ZFYVE9: variants seen among roughly 807,000 people sequenced by gnomAD.
ZFYVE9 encodes the protein zinc finger FYVE domain-containing protein 9.
Under a neutral mutation model 126.7 loss-of-function variants are expected in ZFYVE9, and 43 were observed. The ratio of observed to expected loss-of-function variants is 0.34; its 90% CI spans 0.27 to 0.44. The LOEUF is 0.44. Ranked by LOEUF, ZFYVE9 falls within the 20% of genes least tolerant of loss-of-function variation. The pLI is 1.00. For missense variants in ZFYVE9, 1,476 were observed against 1,697.0 expected (o/e 0.87, Z 2.29); for synonymous variants, 521 against 597.4 (o/e 0.87, Z 1.87).
chr1:52,318,732 G>C (rs566532173), intron 13 of ZFYVE9, among the ~76,000 whole-genome samples: 3 of 151,938 alleles, frequency 2.0e-5, no homozygotes, highest in African/African-American at 7.3e-5. Context: ...TAGCAAAGTC[G>C]TGAGATTATT....
At chr1:52,170,073 T>A (rs1410705447) in intron 1 of ZFYVE9, among the ~76,000 whole-genome samples, 1 of 152,234 alleles carries the variant, frequency 6.6e-6, no homozygotes, top group Non-Finnish European at 1.5e-5. Context: ...ATTCTTCCTA[T>A]CTTCATTTAA....
At position 52,184,033 on chromosome 1, in the gene ZFYVE9, G is replaced by A. The variant is rs1265329370; in HGVS notation, c.-142-32336G>A. ...ATAAAAATAATTTTTAAAAGACACA[G>A]TAAGGTAGAGTAGGGCTGCAGAGAG... On this transcript the variant is annotated intron_variant, in intron 1 of 18. Transcript: ENST00000287727. Among the ~76,000 whole-genome samples the A allele has an allele frequency of 2.0e-5, 3 of 151,080 alleles. No individual in the cohort carries two copies. In the East Asian group the frequency reaches 5.8e-4, roughly 29 times the overall value.
At chr1:52,265,354 AG>A (rs2147799256) in intron 5 of ZFYVE9, among the ~76,000 whole-genome samples, 1 of 152,160 alleles carries the variant, frequency 6.6e-6, no homozygotes, top group South Asian at 2.1e-4. Flanking sequence ...CTTGTCTTGC[AG>A]TTTGGAGGCA....
At chr1:52,192,893 T>G (rs551217504) in intron 1 of ZFYVE9, among the ~76,000 whole-genome samples, 1 of 152,214 alleles carries the variant, frequency 6.6e-6, no homozygotes, top group South Asian at 2.1e-4. Context: ...AAAATAATAG[T>G]AATAGCAAAT....
Position 52,237,977 on chromosome 1 carries a change from A to G in ZFYVE9, c.560A>G (p.Asn187Ser), listed in dbSNP as rs1333406357. ...LMDAFSCSLD[N>S]ENRQTDQFSF... ...GATGCTTTTAGCTGTTCACTGGATA[A>G]TGAAAACAGACAAACTGATCAATTT... The change falls in exon 4 of 19, where the codon AAT (asparagine) becomes AGT (serine). Residue 187 changes from asparagine to serine, a missense_variant. Asn to Ser is a conservative substitution (Grantham distance 46). Transcript: ENST00000287727. 6.2e-7 allele frequency: 1 copy of G among 1,614,068 alleles called. No homozygotes were observed. Among genetic ancestry groups the G allele is most frequent in the Admixed American group, 1.7e-5 (1 of 60,000 alleles).
rs202048189 is a variant in ZFYVE9, at chr1:52,155,234, C to CTT, written c.-143+12849_-143+12850dup. ...ACCAGGAGCTGTTTTTCTTTTTTTT[C>CTT]TTTTTTTTTTTTTTTTTTTGAGACG... is the stretch of plus-strand genomic sequence containing the variant. On this transcript the variant is annotated intron_variant, in intron 1 of 18. Transcript: ENST00000287727. Among the ~76,000 whole-genome samples the CTT allele has an allele frequency of 2.6e-3, 332 of 129,084 alleles. 3 individuals carry two copies. Among genetic ancestry groups the CTT allele is most frequent in the African/African-American group, 7.9e-3 (268 of 33,908 alleles). The allele number at this position is 129,084 out of a possible 152,430, so 84.7% of individuals were successfully genotyped here.
intron 16 of ZFYVE9, 106 bp downstream of exon 16, chr1:52,338,040 C>CCT: frequency 7.3e-7 from 1 of 1,364,840 alleles, no homozygotes; most frequent in African/African-American, 1.5e-5. Context: ...AAAGCCCTGC[C>CCT]TAAGAGAAAG....
At position 52,253,893 on chromosome 1, in the gene ZFYVE9, A is replaced by G. The variant is rs1645476264; in HGVS notation, c.2179-9880A>G. 3.5e-6 allele frequency: 4 copies of G among 1,137,094 alleles called. No homozygotes were observed. In the South Asian group the frequency reaches 3.7e-5, roughly 10 times the overall value. 70.4% of individuals were successfully genotyped at this position (1,137,094 alleles called of 1,614,324 possible). ...ACAAATCTGATGAAAGCTATACTCC[A>G]AGCAAGATTTCAGCCAAAGTAGGAA... is the stretch of plus-strand genomic sequence containing the variant. On this transcript the variant is annotated intron_variant, in intron 4 of 18. Transcript: ENST00000287727.
At chr1:52,203,830 A>G (rs999936662) in intron 1 of ZFYVE9, among the ~76,000 whole-genome samples, 2 of 151,798 alleles carry the variant, frequency 1.3e-5, no homozygotes, top group African/African-American at 2.4e-5. Flanking sequence ...TTCCTCAGTC[A>G]TGTCCTGTCT....
chr1:52,344,256 A>G (rs1646465428), intron 17 of ZFYVE9, among the ~76,000 whole-genome samples: 2 of 152,144 alleles, frequency 1.3e-5, no homozygotes, highest in Non-Finnish European at 2.9e-5. Context: ...AAAGCTCTGC[A>G]ATAAAAGGCT....
chr1:52,182,762 A>G (rs1455094603), intron 1 of ZFYVE9, among the ~76,000 whole-genome samples: 2 of 137,408 alleles, frequency 1.5e-5, no homozygotes, highest in African/African-American at 7.1e-5. Flanking sequence ...ATAAAATAAA[A>G]AATAAAAAAA....
At chr1:52,298,902 C>T (rs757490781) in intron 12 of ZFYVE9, among the ~76,000 whole-genome samples, 24 of 151,376 alleles carry the variant, frequency 1.6e-4, no homozygotes, top group Non-Finnish European at 3.1e-4. Context: ...CTCCGCCTCC[C>T]GGGTTCACAC....
intron 1 of ZFYVE9, among the ~76,000 whole-genome samples, chr1:52,152,196 G>A (rs1644363986): frequency 6.6e-6 from 1 of 151,964 alleles, no homozygotes; most frequent in Non-Finnish European, 1.5e-5. Context: ...CACCATGTTG[G>A]CCAGGCTGAT....
chr1:52,302,294 T>G (rs1646043059), intron 12 of ZFYVE9, among the ~76,000 whole-genome samples: 1 of 152,216 alleles, frequency 6.6e-6, no homozygotes, highest in African/African-American at 2.4e-5. Flanking sequence ...TCAAGTTACT[T>G]AGAAAAACCC....
At chr1:52,321,871 ATTAG>A (rs1181851043) in intron 13 of ZFYVE9, among the ~76,000 whole-genome samples, 2 of 152,200 alleles carry the variant, frequency 1.3e-5, no homozygotes, top group Non-Finnish European at 2.9e-5. Flanking sequence ...AACCCAAGAT[ATTAG>A]TTCTTGTAAG....
intron 13 of ZFYVE9, among the ~76,000 whole-genome samples, chr1:52,305,760 A>C (rs1009568437): frequency 1.3e-5 from 2 of 152,114 alleles, no homozygotes; most frequent in Non-Finnish European, 2.9e-5. Context: ...GGACCCAGGC[A>C]TCCTCGTGCT....
intron 13 of ZFYVE9, among the ~76,000 whole-genome samples, chr1:52,319,999 G>C (rs566176889): frequency 1.1e-3 from 143 of 132,344 alleles, no homozygotes; most frequent in Admixed American, 3.4e-3. Flanking sequence ...GTGACAGAGA[G>C]GGGGAGATTC....
intron 1 of ZFYVE9, among the ~76,000 whole-genome samples, chr1:52,197,682 A>AAC (rs1553123684): frequency 2.0e-5 from 3 of 152,050 alleles, no homozygotes; most frequent in Non-Finnish European, 2.9e-5. Context: ...GATGTGATCT[A>AAC]ATAATTGAAT....
intron 17 of ZFYVE9, among the ~76,000 whole-genome samples, chr1:52,341,430 T>G (rs1486181724): frequency 6.6e-6 from 1 of 152,204 alleles, no homozygotes; most frequent in Non-Finnish European, 1.5e-5. Context: ...CTTTTTTGTA[T>G]GTACATGTCA....
Sources: allele counts gnomAD v4.1 joint callset (sites outside exome capture counted in the v4.1 genomes callset), GRCh38; gene constraint gnomAD v4.1.1; transcripts MANE v1.5; gene names NCBI Gene and HGNC (gene_info 2026-07-23, HGNC 2026-07-21).